The following MYO16 variants were observed in gnomAD, a reference collection of about 807,000 sequenced individuals.
MYO16 encodes myosin XVI.
MYO16 carries 94 observed loss-of-function variants against 205.3 expected under a neutral mutation model. The observed-to-expected ratio is 0.46, with a 90% CI of 0.39 to 0.54. The LOEUF (loss-of-function observed/expected upper bound fraction) is 0.54, where lower values mean the gene tolerates loss of function less well. Ranked by LOEUF, MYO16 falls within the 20% of genes least tolerant of loss-of-function variation. MYO16 has a pLI of 0.00. For synonymous variants in MYO16, 988 were observed against 954.0 expected, an observed-to-expected ratio of 1.04 and a Z score of -0.66; for missense variants, 2,315 against 2,387.5, an observed-to-expected ratio of 0.97 and a Z score of 0.63.
At chr13:108,497,670 T>G in the MYO16 span, among the ~76,000 whole-genome samples, 1 of 152,170 alleles carries the variant, frequency 6.6e-6, no homozygotes, top group African/African-American at 2.4e-5. Context: ...GTAAAATGAT[T>G]TGTTTTGTAT....
intron 23 of MYO16, among the ~76,000 whole-genome samples, chr13:109,031,781 G>A (rs1886554092): frequency 6.6e-6 from 1 of 152,138 alleles, no homozygotes; most frequent in African/African-American, 2.4e-5. Flanking sequence ...AATTTGGGCA[G>A]CTCCAGTGAT....
intron 34 of MYO16, among the ~76,000 whole-genome samples, chr13:109,187,744 T>G (rs903354369): frequency 6.6e-5 from 10 of 152,238 alleles, no homozygotes; most frequent in African/African-American, 2.4e-4. Flanking sequence ...TTCTCTTAAA[T>G]GTACTAAAAT....
At position 108,872,042 on chromosome 13, in the gene MYO16, T is replaced by A. The variant is rs546053326; in HGVS notation, c.1425+5800T>A. Among the ~76,000 whole-genome samples, 12 of 152,360 alleles carry A rather than the reference T, an allele frequency of 7.9e-5. 1 individual carries two copies. The South Asian group carries it at 2.5e-3, about 32-fold the overall frequency. On this transcript the variant is annotated intron_variant, in intron 12 of 34. Coordinates refer to ENST00000457511, the MANE Select transcript of MYO16 (RefSeq NM_001198950.3). ...TGTCAGAAGATTATTTGCCCTCAGA[T>A]ACCTAGATTAGTTTGGCATTTCATG...
intron 4 of MYO16, among the ~76,000 whole-genome samples, chr13:108,759,933 T>C (rs1047924491): frequency 6.6e-6 from 1 of 152,230 alleles, no homozygotes; most frequent in Non-Finnish European, 1.5e-5. Context: ...TATACTTTTT[T>C]ATTGACATAT....
chr13:108,786,690 A>G (rs779538480), intron 5 of MYO16, among the ~76,000 whole-genome samples: 5 of 152,222 alleles, frequency 3.3e-5, no homozygotes, highest in Non-Finnish European at 7.3e-5. Context: ...GAGTTCGCAG[A>G]TAAAATAGTC....
intron 13 of MYO16, among the ~76,000 whole-genome samples, chr13:108,886,164 T>C (rs1879870573): frequency 6.6e-6 from 1 of 152,060 alleles, no homozygotes; most frequent in Non-Finnish European, 1.5e-5. Flanking sequence ...ATTTTTTGTA[T>C]TTTTAGTAGA....
chr13:109,180,509 A>G (rs1198394215), intron 34 of MYO16, among the ~76,000 whole-genome samples: 1 of 152,210 alleles, frequency 6.6e-6, no homozygotes, highest in African/African-American at 2.4e-5. Flanking sequence ...TCAAACATCT[A>G]CATAAAAGTC....
At chr13:108,732,090 A>G (rs1884541250) in intron 4 of MYO16, among the ~76,000 whole-genome samples, 1 of 152,228 alleles carries the variant, frequency 6.6e-6, no homozygotes. Context: ...CATTCCTGCC[A>G]ATAACCTCAA....
chr13:108,773,593 C>T (rs568472522), intron 4 of MYO16, among the ~76,000 whole-genome samples: 2 of 152,220 alleles, frequency 1.3e-5, no homozygotes, highest in South Asian at 4.2e-4. Context: ...GGATACTAGT[C>T]AGATTGGATT....
intron 6 of MYO16, among the ~76,000 whole-genome samples, chr13:108,797,158 T>C (rs1886819928): frequency 6.6e-6 from 1 of 152,100 alleles, no homozygotes; most frequent in African/African-American, 2.4e-5. Context: ...TGGCATCAAA[T>C]GAGATGAGGC....
chr13:108,881,560 C>A (rs1355875694), intron 12 of MYO16, among the ~76,000 whole-genome samples: 1 of 152,146 alleles, frequency 6.6e-6, no homozygotes, highest in African/African-American at 2.4e-5. Flanking sequence ...AAAGATTAGA[C>A]AAATGGCTAA....
intron 23 of MYO16, among the ~76,000 whole-genome samples, chr13:109,029,008 C>A (rs1886459222): frequency 6.6e-6 from 1 of 151,608 alleles, no homozygotes; most frequent in Admixed American, 6.6e-5. Context: ...TATGCAGGTC[C>A]CCGAGTAGAG....
chr13:108,767,497 G>A (rs1362894778), intron 4 of MYO16, among the ~76,000 whole-genome samples: 1 of 152,060 alleles, frequency 6.6e-6, no homozygotes, highest in East Asian at 1.9e-4. Flanking sequence ...AGTTATAGAG[G>A]GCATTTTGTT....
chr13:108,734,247 A>G (rs1447905646), intron 4 of MYO16, among the ~76,000 whole-genome samples: 1 of 152,006 alleles, frequency 6.6e-6, no homozygotes, highest in Non-Finnish European at 1.5e-5. Flanking sequence ...TTGATGCAAT[A>G]AAACAAAGGC....
chr13:108,785,503 C>A, intron 4 of MYO16, 132 bp from the exon 5 acceptor site: 1 of 479,990 alleles, frequency 2.1e-6, no homozygotes, highest in African/African-American at 2.0e-5. Context: ...AGCTTCCTAC[C>A]CGATTCTTCA....
intron 16 of MYO16, among the ~76,000 whole-genome samples, chr13:108,954,483 G>A (rs750631813): frequency 9.9e-5 from 15 of 152,174 alleles, no homozygotes; most frequent in Non-Finnish European, 1.6e-4. Flanking sequence ...GCTCACACCT[G>A]TAATTCCAGC....
chr13:109,191,076 G>A (rs768093261), intron 34 of MYO16, among the ~76,000 whole-genome samples: 50 of 151,912 alleles, frequency 3.3e-4, no homozygotes, highest in Non-Finnish European at 5.4e-4. Context: ...AAAATTAGCC[G>A]GGCATCGTGG....
At chr13:109,079,786 T>A (rs1437040461) in intron 27 of MYO16, among the ~76,000 whole-genome samples, 1 of 152,076 alleles carries the variant, frequency 6.6e-6, no homozygotes, top group East Asian at 1.9e-4. Flanking sequence ...TAAAATAAAT[T>A]GCCCCTGGGG....
chr13:108,934,438 G>A (rs1366888107), intron 16 of MYO16, among the ~76,000 whole-genome samples: 1 of 151,826 alleles, frequency 6.6e-6, no homozygotes, highest in Non-Finnish European at 1.5e-5. Flanking sequence ...TTTTCACAGG[G>A]GTTATTTGTT....
Sources: allele counts gnomAD v4.1 joint callset (sites outside exome capture counted in the v4.1 genomes callset), GRCh38; gene constraint gnomAD v4.1.1; transcripts MANE v1.5; gene names NCBI Gene and HGNC (gene_info 2026-07-23, HGNC 2026-07-21).